ANO4: variants seen among roughly 807,000 people sequenced by gnomAD.
ANO4 encodes the protein anoctamin-4.
ANO4 carries 69 observed loss-of-function variants against 141.9 expected under a neutral mutation model. That is an observed-to-expected ratio of 0.49 (90% CI 0.40 to 0.59). The LOEUF (loss-of-function observed/expected upper bound fraction) is 0.59, where lower values mean the gene tolerates loss of function less well. Ranked by LOEUF, ANO4 falls within the 20% of genes least tolerant of loss-of-function variation. The pLI, the probability that ANO4 is intolerant of heterozygous loss-of-function variation, is 0.00. For missense variants in ANO4, 894 were observed against 1,162.2 expected (o/e 0.77, Z 3.36); for synonymous variants, 350 against 394.3 (o/e 0.89, Z 1.33).
chr12:100,760,715 G>A (rs897683594), intron 3 of ANO4, among the ~76,000 whole-genome samples: 1 of 152,184 alleles, frequency 6.6e-6, no homozygotes, highest in Non-Finnish European at 1.5e-5. Context: ...TTACACCCAT[G>A]TCAGTTTGCA....
intron 3 of ANO4, among the ~76,000 whole-genome samples, chr12:100,930,691 A>G (rs777585324): frequency 2.0e-5 from 3 of 152,172 alleles, no homozygotes; most frequent in African/African-American, 4.8e-5. Flanking sequence ...CATATCTGTA[A>G]TAACTAGAAC....
At chr12:100,923,051 T>C (rs1040703576) in intron 3 of ANO4, among the ~76,000 whole-genome samples, 10 of 152,104 alleles carry the variant, frequency 6.6e-5, no homozygotes, top group Non-Finnish European at 1.3e-4. Context: ...TCATGTTGGA[T>C]TTGAGGGATT....
intron 3 of ANO4, among the ~76,000 whole-genome samples, chr12:100,768,799 T>G (rs2033186522): frequency 6.6e-6 from 1 of 152,228 alleles, no homozygotes; most frequent in African/African-American, 2.4e-5. Context: ...CCTGAATTTT[T>G]ATATTTCCCA....
At chr12:100,947,382 C>T (rs2042770390) in intron 5 of ANO4, among the ~76,000 whole-genome samples, 1 of 152,118 alleles carries the variant, frequency 6.6e-6, no homozygotes, top group Non-Finnish European at 1.5e-5. Flanking sequence ...GCCACCCTTC[C>T]CCAGTGCTAA....
intron 2 of ANO4, among the ~76,000 whole-genome samples, chr12:100,736,234 A>G (rs935388176): frequency 6.6e-6 from 1 of 152,120 alleles, no homozygotes; most frequent in African/African-American, 2.4e-5. Flanking sequence ...TTCAATGAAA[A>G]TGGAGGGGTA....
At chr12:100,933,377 T>G (rs988023745) in intron 3 of ANO4, among the ~76,000 whole-genome samples, 1 of 152,308 alleles carries the variant, frequency 6.6e-6, no homozygotes, top group Non-Finnish European at 1.5e-5. Flanking sequence ...GTGTTTGGCT[T>G]TCTGTCCTTG....
In ANO4 at chr12:101,033,145, T is replaced by G. The variant is rs533510123; in HGVS notation, c.842-3950T>G. ...TGGAATACTATGCAGCCATAAAAAA[T>G]GATGAGTTCATGTCCTTTGTAGGGA... is the stretch of plus-strand genomic sequence containing the variant. On this transcript the variant is annotated intron_variant, in intron 9 of 27. Transcript: ENST00000392977. 2.0e-3 allele frequency among the ~76,000 whole-genome samples: 302 copies of G among 152,230 alleles called. 1 individual carries two copies. Among genetic ancestry groups the G allele is most frequent in the African/African-American group, 6.8e-3 (284 of 41,526 alleles).
At chr12:100,837,740 G>A (rs1020261080) in intron 1 of ANO4, among the ~76,000 whole-genome samples, 6 of 103,310 alleles carry the variant, frequency 5.8e-5, no homozygotes, top group African/African-American at 2.3e-4. Flanking sequence ...AAAAAAAAAA[G>A]CTCGCTCATA....
intron 22 of ANO4, among the ~76,000 whole-genome samples, chr12:101,106,176 A>C (rs2050433509): frequency 6.6e-6 from 1 of 152,184 alleles, no homozygotes; most frequent in South Asian, 2.1e-4. Context: ...CTTGAAGACA[A>C]GTCAATAAAA....
At chr12:100,893,533 G>A (rs868253655) in intron 1 of ANO4, among the ~76,000 whole-genome samples, 1 of 151,982 alleles carries the variant, frequency 6.6e-6, no homozygotes, top group Non-Finnish European at 1.5e-5. Flanking sequence ...ATGGCTAGTC[G>A]GGACATGTGC....
intron 14 of ANO4, among the ~76,000 whole-genome samples, chr12:101,056,785 A>C (rs1236289554): frequency 6.6e-6 from 1 of 151,722 alleles, no homozygotes; most frequent in Non-Finnish European, 1.5e-5. Context: ...AGGGTTTTAA[A>C]AATCATGAAT....
chr12:100,717,402 G>A, upstream of ANO4: 1 of 366,870 alleles, frequency 2.7e-6, no homozygotes, highest in East Asian at 4.0e-5. Context: ...GCTCAGCCGC[G>A]GAGCGCCCGG....
At chr12:100,992,587 T>A (rs1488390557) in intron 8 of ANO4, among the ~76,000 whole-genome samples, 4 of 152,210 alleles carry the variant, frequency 2.6e-5, no homozygotes, top group Non-Finnish European at 4.4e-5. Flanking sequence ...TCTATACTGT[T>A]GTAGTTAATG....
chr12:100,953,076 C>T (rs1311245714), intron 5 of ANO4, among the ~76,000 whole-genome samples: 1 of 152,194 alleles, frequency 6.6e-6, no homozygotes, highest in African/African-American at 2.4e-5. Context: ...AAAGATTTCT[C>T]AGCAGTCTAA....
At chr12:100,865,781 G>A (rs1045917670) in intron 1 of ANO4, among the ~76,000 whole-genome samples, 1 of 152,152 alleles carries the variant, frequency 6.6e-6, no homozygotes, top group African/African-American at 2.4e-5. Context: ...CAAAGGTGTG[G>A]GTATCGTGTA....
intron 3 of ANO4, among the ~76,000 whole-genome samples, chr12:100,928,722 T>C (rs1165342986): frequency 6.6e-6 from 1 of 152,186 alleles, no homozygotes; most frequent in African/African-American, 2.4e-5. Context: ...CTAAATGTCA[T>C]TCCCAGGGCT....
chr12:100,783,902 T>C (rs569660512), intron 3 of ANO4, among the ~76,000 whole-genome samples: 2 of 152,206 alleles, frequency 1.3e-5, no homozygotes, highest in East Asian at 3.9e-4. Flanking sequence ...CTCCCTCTCA[T>C]TTCCACCTTC....
chr12:100,828,201 G>C lies in ANO4; in HGVS notation c.-141+33174G>C, dbSNP rs191988075. On this transcript the variant is annotated intron_variant, in intron 1 of 27. Transcript: ENST00000392977. ...TTATTTGTATTCTTTTTAGCCTTTT[G>C]TGTAAAACTAACATTTATTTAATAT... Among the ~76,000 whole-genome samples the C allele has an allele frequency of 2.1e-3, 322 of 152,086 alleles. 1 individual carries two copies. Among genetic ancestry groups the C allele is most frequent in the Middle Eastern group, 0.02 (6 of 294 alleles).
intron 2 of ANO4, among the ~76,000 whole-genome samples, chr12:100,919,589 C>T (rs1012583455): frequency 3.3e-5 from 5 of 151,430 alleles, no homozygotes; most frequent in African/African-American, 1.2e-4. Context: ...ATGATCTTTG[C>T]ACAATGATGA....
Sources: gnomAD v4.1 joint callset for allele counts (sites outside exome capture counted in the v4.1 genomes callset) on GRCh38, gnomAD v4.1.1 for gene constraint, MANE v1.5 for transcripts, NCBI Gene and HGNC (gene_info 2026-07-23, HGNC 2026-07-21) for gene names.